The following TNIK variants were observed in gnomAD, a reference collection of about 807,000 sequenced individuals.
The protein encoded by TNIK is TRAF2 and NCK-interacting protein kinase.
TNIK carries 49 observed loss-of-function variants against 191.3 expected under a neutral mutation model. The ratio of observed to expected loss-of-function variants is 0.26; its 90% CI spans 0.20 to 0.32. TNIK has a LOEUF of 0.32. Ranked by LOEUF, TNIK falls within the 10% of genes least tolerant of loss-of-function variation. TNIK has a pLI of 1.00. For missense variants in TNIK, 1,155 were observed against 1,702.3 expected, an observed-to-expected ratio of 0.68 and a Z score of 5.66; for synonymous variants, 594 against 600.9, an observed-to-expected ratio of 0.99 and a Z score of 0.17.
intron 3 of TNIK, among the ~76,000 whole-genome samples, chr3:171,219,268 AATAT>A (rs1307527849): frequency 7.0e-6 from 1 of 143,508 alleles, no homozygotes; most frequent in East Asian, 1.9e-4. Flanking sequence ...TAATAATTAT[AATAT>A]ATATTATATA....
At chr3:171,065,119 C>T (rs1718263374) in intron 32 of TNIK, among the ~76,000 whole-genome samples, 1 of 152,194 alleles carries the variant, frequency 6.6e-6, no homozygotes, top group African/African-American at 2.4e-5. Context: ...TGGAACAGCC[C>T]TGCTGGGGTA....
chr3:171,382,444 C>G (rs1158554203), intron 1 of TNIK, among the ~76,000 whole-genome samples: 1 of 152,180 alleles, frequency 6.6e-6, no homozygotes, highest in Non-Finnish European at 1.5e-5. Context: ...TGGTCTCAAA[C>G]TCCTGACCTC....
At chr3:171,277,189 C>A (rs1749853735) in intron 2 of TNIK, among the ~76,000 whole-genome samples, 1 of 152,102 alleles carries the variant, frequency 6.6e-6, no homozygotes, top group South Asian at 2.1e-4. Context: ...GCAAGAAGGC[C>A]CTTATGAGAT....
At chr3:171,447,863 TA>T (rs1337142931) in intron 1 of TNIK, among the ~76,000 whole-genome samples, 42 of 152,154 alleles carry the variant, frequency 2.8e-4, no homozygotes, top group Admixed American at 2.7e-3. Context: ...AGGAACTGGT[TA>T]AATATATTAT....
chr3:171,458,642 G>A (rs2108749491), intron 1 of TNIK, among the ~76,000 whole-genome samples: 2 of 152,296 alleles, frequency 1.3e-5, no homozygotes, highest in South Asian at 4.1e-4. Context: ...AGTGCAGATA[G>A]CGGCAATGTC....
At chr3:171,357,626 G>A (rs1287314754) in intron 2 of TNIK, among the ~76,000 whole-genome samples, 3 of 146,486 alleles carry the variant, frequency 2.0e-5, no homozygotes, top group Non-Finnish European at 4.5e-5. Flanking sequence ...GTAAGGTAAT[G>A]TCCCTGACTC....
intron 22 of TNIK, among the ~76,000 whole-genome samples, chr3:171,097,066 T>A (rs548489391): frequency 2.6e-5 from 4 of 152,272 alleles, no homozygotes; most frequent in African/African-American, 9.6e-5. Context: ...TAACAAAAAA[T>A]CTATTCAGAT....
At chr3:171,099,661 C>A (rs909356211) in intron 22 of TNIK, among the ~76,000 whole-genome samples, 1 of 152,084 alleles carries the variant, frequency 6.6e-6, no homozygotes, top group Non-Finnish European at 1.5e-5. Flanking sequence ...CAACATACAG[C>A]GGTAGCACAG....
intron 1 of TNIK, among the ~76,000 whole-genome samples, chr3:171,427,671 G>C (rs769675735): frequency 1.3e-5 from 2 of 152,146 alleles, no homozygotes; most frequent in Non-Finnish European, 2.9e-5. Flanking sequence ...AATTCACTTA[G>C]TGCTACCTTT....
At chr3:171,071,529 T>C (rs373977732) in intron 28 of TNIK, 3 of 521,014 alleles carry the variant, frequency 5.8e-6, no homozygotes, top group South Asian at 5.2e-5. Flanking sequence ...AGAATACTTA[T>C]GGCTTTTGCT....
intron 1 of TNIK, among the ~76,000 whole-genome samples, chr3:171,430,845 T>C (rs1380297080): frequency 1.3e-5 from 2 of 152,050 alleles, no homozygotes; most frequent in Non-Finnish European, 2.9e-5. Flanking sequence ...TTTGGAAATA[T>C]AGTTGAGTTT....
At chr3:171,153,724 A>T (rs1165842105) in intron 12 of TNIK, among the ~76,000 whole-genome samples, 1 of 152,216 alleles carries the variant, frequency 6.6e-6, no homozygotes, top group African/African-American at 2.4e-5. Context: ...ATTCAAAAGT[A>T]ATCAACATGG....
At chr3:171,135,790 G>A (rs1729914366) in intron 15 of TNIK, among the ~76,000 whole-genome samples, 1 of 152,146 alleles carries the variant, frequency 6.6e-6, no homozygotes, top group Non-Finnish European at 1.5e-5. Flanking sequence ...ATGCTCAAAT[G>A]CTGTGTTTCT....
chr3:171,093,727 C>G, intron 23 of TNIK, 112 bp downstream of exon 23: 2 of 1,401,034 alleles, frequency 1.4e-6, no homozygotes, highest in South Asian at 3.0e-5. Context: ...CTCCCTCCCC[C>G]AAGAATTCCC....
intron 30 of TNIK, among the ~76,000 whole-genome samples, chr3:171,068,429 G>C (rs78596242): frequency 9.7e-4 from 148 of 152,120 alleles, no homozygotes; most frequent in Non-Finnish European, 1.6e-3. Context: ...GCTGAAGAGA[G>C]GAACTAAAAA....
chr3:171,456,124 C>T (rs1364014494), intron 1 of TNIK, among the ~76,000 whole-genome samples: 8 of 152,006 alleles, frequency 5.3e-5, no homozygotes, highest in Admixed American at 2.0e-4. Context: ...GTATGTGAGT[C>T]CTGGCAGAAG....
At chr3:171,099,034 ACCATG>A (rs1313645845) in intron 22 of TNIK, among the ~76,000 whole-genome samples, 1 of 152,156 alleles carries the variant, frequency 6.6e-6, no homozygotes, top group African/African-American at 2.4e-5. Flanking sequence ...TCCCTTAAGA[ACCATG>A]TCAAGTCTTG....
intron 10 of TNIK, 94 bp downstream of exon 10, chr3:171,167,001 T>C: frequency 6.9e-7 from 1 of 1,452,754 alleles, no homozygotes; most frequent in Non-Finnish European, 9.1e-7. Context: ...TGCAGGCCCA[T>C]TTGAAATCCC....
chr3:171,248,468 G>T (rs1745859462), intron 2 of TNIK, among the ~76,000 whole-genome samples: 1 of 152,228 alleles, frequency 6.6e-6, no homozygotes, highest in Non-Finnish European at 1.5e-5. Context: ...GATAGTACAT[G>T]TTGGCTAAAA....
Sources: gnomAD v4.1 joint callset for allele counts (sites outside exome capture counted in the v4.1 genomes callset) on GRCh38, gnomAD v4.1.1 for gene constraint, MANE v1.5 for transcripts, NCBI Gene and HGNC (gene_info 2026-07-23, HGNC 2026-07-21) for gene names.